MYOF: variants seen among roughly 807,000 people sequenced by gnomAD.
The protein encoded by MYOF is myoferlin.
In MYOF, 244 loss-of-function variants were observed where a neutral mutation model predicts 284.2. The observed-to-expected ratio is 0.86, with a 90% confidence interval of 0.77 to 0.95. MYOF has a LOEUF of 0.95. Among genes scored for constraint, MYOF ranks in the 40% least tolerant of loss-of-function variants. MYOF has a pLI of 0.00. For missense variants in MYOF, 2,496 were observed against 2,560.6 expected, an observed-to-expected ratio of 0.97 and a Z score of 0.54; for synonymous variants, 904 against 919.7, an observed-to-expected ratio of 0.98 and a Z score of 0.31.
chr10:93,326,656 G>C (rs531559050), intron 45 of MYOF, among the ~76,000 whole-genome samples: 1 of 152,138 alleles, frequency 6.6e-6, no homozygotes, highest in African/African-American at 2.4e-5. Flanking sequence ...AGACAGTCTC[G>C]CTCTGTCATC....
chr10:93,420,903 T>C (rs1848331503), intron 5 of MYOF, among the ~76,000 whole-genome samples: 1 of 152,068 alleles, frequency 6.6e-6, no homozygotes, highest in Non-Finnish European at 1.5e-5. Flanking sequence ...AATGGTAAAG[T>C]TTTAGGGTTT....
At chr10:93,474,236 C>G (rs1378660764) in intron 1 of MYOF, among the ~76,000 whole-genome samples, 1 of 152,182 alleles carries the variant, frequency 6.6e-6, no homozygotes, top group African/African-American at 2.4e-5. Flanking sequence ...TCTTACTAGT[C>G]TCCCTGACTA....
At chr10:93,445,061 G>A (rs2056389995) in intron 3 of MYOF, among the ~76,000 whole-genome samples, 1 of 152,118 alleles carries the variant, frequency 6.6e-6, no homozygotes, top group Admixed American at 6.6e-5. Flanking sequence ...GCTTATAAAA[G>A]GTAGCAATAC....
intron 19 of MYOF, among the ~76,000 whole-genome samples, chr10:93,384,021 A>T (rs1342054002): frequency 6.6e-6 from 1 of 152,158 alleles, no homozygotes; most frequent in Non-Finnish European, 1.5e-5. Context: ...TGAGCCCTAA[A>T]AGCAATAGTT....
intron 4 of MYOF, among the ~76,000 whole-genome samples, chr10:93,430,581 C>CAAA (rs747001393): frequency 4.6e-5 from 4 of 86,168 alleles, no homozygotes; most frequent in Non-Finnish European, 7.1e-5. Flanking sequence ...GACTCCATCT[C>CAAA]AAAAAAAAAA....
At chr10:93,334,520 G>A (rs1033696759) in intron 41 of MYOF, among the ~76,000 whole-genome samples, 3 of 152,114 alleles carry the variant, frequency 2.0e-5, no homozygotes, top group African/African-American at 7.2e-5. Flanking sequence ...TTCTAGAGAC[G>A]GGTGAGGGGA....
At chr10:93,399,330 G>A in intron 13 of MYOF, 62 bp downstream of exon 13, 1 of 1,296,230 alleles carries the variant, frequency 7.7e-7, no homozygotes, top group Non-Finnish European at 1.1e-6. Context: ...TCACTCCAAG[G>A]AAAGCACAGT....
At chr10:93,397,587 TC>T in intron 13 of MYOF, 131 bp from the exon 14 acceptor site, 1 of 551,728 alleles carries the variant, frequency 1.8e-6, no homozygotes, top group African/African-American at 2.0e-5. Flanking sequence ...ACTTTATTTT[TC>T]TTGATGATTT....
Position 93,434,445 on chromosome 10 carries a change from AAAC to A in MYOF, c.237-2932_237-2930del, listed in dbSNP as rs1325708058. 2.7e-5 allele frequency among the ~76,000 whole-genome samples: 4 copies of A among 148,424 alleles called. No individual in the cohort carries two copies. The South Asian group carries it at 6.3e-4, about 24-fold the overall frequency. ...GACCCTGTCTCAAAAAAAAAAAAAA[AAAC>A]AAAAAAGAATCTGTAGTTGGCAATG... On this transcript the variant is annotated intron_variant, in intron 3 of 53. Transcript: ENST00000359263.
At chr10:93,401,340 C>T in intron 12 of MYOF, 78 bp downstream of exon 12, 1 of 1,564,642 alleles carries the variant, frequency 6.4e-7, no homozygotes, top group Non-Finnish European at 8.7e-7. Flanking sequence ...ACACGAATCA[C>T]TATTAAAGTT....
chr10:93,435,352 G>A lies in MYOF; in HGVS notation c.237-3836C>T, dbSNP rs189040531. On this transcript the variant is annotated intron_variant, in intron 3 of 53. Transcript: ENST00000359263. ...TCAGCACTACTGACATTTTGAACCC[G>A]TTAATTATTTTTATGGGAGGCTATA... Among the ~76,000 whole-genome samples, 520 of 152,300 alleles carry A rather than the reference G, an allele frequency of 3.4e-3. 15 individuals carry two copies. The highest frequency in any genetic ancestry group is 5.3e-4 in the Non-Finnish European group (36 of 68,036).
chr10:93,454,384 C>T (rs2056681115), intron 2 of MYOF, among the ~76,000 whole-genome samples: 1 of 152,134 alleles, frequency 6.6e-6, no homozygotes, highest in African/African-American at 2.4e-5. Flanking sequence ...CATGCCAGCT[C>T]GCATGACAGC....
At chr10:93,435,110 A>T (rs1849060421) in intron 3 of MYOF, among the ~76,000 whole-genome samples, 2 of 152,224 alleles carry the variant, frequency 1.3e-5, no homozygotes, top group Non-Finnish European at 2.9e-5. Context: ...AACAAACTGG[A>T]CTTCATTCCT....
intron 1 of MYOF, among the ~76,000 whole-genome samples, chr10:93,464,380 G>T (rs1168336731): frequency 1.3e-5 from 2 of 152,118 alleles, no homozygotes; most frequent in Non-Finnish European, 2.9e-5. Flanking sequence ...ACATCCCATT[G>T]CTTCTGCTGC....
chr10:93,460,814 G>A (rs1032927604), intron 1 of MYOF, among the ~76,000 whole-genome samples: 8 of 149,192 alleles, frequency 5.4e-5, no homozygotes, highest in African/African-American at 1.5e-4. Flanking sequence ...AAGTGCCACA[G>A]GCCAGGTGCG....
intron 5 of MYOF, among the ~76,000 whole-genome samples, chr10:93,423,833 A>G (rs992172925): frequency 1.4e-5 from 2 of 147,928 alleles, no homozygotes; most frequent in Admixed American, 6.7e-5. Flanking sequence ...ACTCTGTCTA[A>G]AAAAAAAAAA....
chr10:93,350,313 T>C (rs1342771971), intron 35 of MYOF, among the ~76,000 whole-genome samples: 1 of 139,000 alleles, frequency 7.2e-6, no homozygotes, highest in Non-Finnish European at 1.5e-5. Flanking sequence ...ACCTGTAAAC[T>C]TTTTTTTTTT....
chr10:93,477,129 C>T (rs1025745180), intron 1 of MYOF, among the ~76,000 whole-genome samples: 6 of 152,266 alleles, frequency 3.9e-5, no homozygotes, highest in East Asian at 3.9e-4. Flanking sequence ...AGAGATTGGA[C>T]ACAGAAGCAA....
Position 93,347,671 on chromosome 10 carries a change from G to T in MYOF, c.4195C>A (p.Arg1399Ser), listed in dbSNP as rs11187393. 2 of 1,613,990 alleles carry T rather than the reference G, an allele frequency of 1.2e-6. No homozygotes were observed. Among genetic ancestry groups the T allele is most frequent in the Non-Finnish European group, 1.7e-6 (2 of 1,179,994 alleles). Residue 1399 changes from arginine to serine, a missense_variant, in exon 37 of 54, where the codon CGC becomes AGC. Physicochemically the swap from Arg to Ser is moderately radical, Grantham distance 110. Coordinates refer to ENST00000359263, the MANE Select transcript of MYOF (RefSeq NM_013451.4). ...VGQCTIERLD[R>S]FRCDPYAGKE... The stretch of plus-strand genomic sequence containing the variant: ...CCTGCATAAGGGTCACAGCGAAAGC[G>T]GTCCAGGCGCTCGATGGTGCACTGG...
Sources: gnomAD v4.1 joint callset for allele counts (sites outside exome capture counted in the v4.1 genomes callset) on GRCh38, gnomAD v4.1.1 for gene constraint, MANE v1.5 for transcripts, NCBI Gene and HGNC (gene_info 2026-07-23, HGNC 2026-07-21) for gene names.